Variants in NQO2 observed in about 807,000 individuals in gnomAD.
The protein encoded by NQO2 is ribosyldihydronicotinamide dehydrogenase [quinone].
Under a neutral mutation model 22.0 loss-of-function variants are expected in NQO2, and 18 were observed. The ratio of observed to expected loss-of-function variants is 0.82; its 90% CI spans 0.56 to 1.21. NQO2 has a LOEUF of 1.21. Ranked by LOEUF, NQO2 falls within the 50% of genes most tolerant of loss-of-function variation. NQO2 has a pLI of 0.00. For missense variants in NQO2, 267 were observed against 286.9 expected (o/e 0.93, Z 0.50); for synonymous variants, 106 against 110.8 (o/e 0.96, Z 0.28).
chr6:3,014,597 T>A (rs141738801), intron 4 of NQO2, among the ~76,000 whole-genome samples: 2,032 of 152,340 alleles, frequency 0.013, 32 homozygotes, highest in South Asian at 0.065. Context: ...TTTGTTTCAC[T>A]TCATTTCACT....
intron 5 of NQO2, among the ~76,000 whole-genome samples, chr6:3,016,430 C>CAAAAAAAAAAAAAA (rs36118697): frequency 4.7e-5 from 4 of 85,696 alleles, no homozygotes; most frequent in African/African-American, 1.9e-4. Context: ...GACTCTGTCT[C>CAAAAAAAAAAAAAA]AAAAAAAAAA....
In NQO2 at chr6:3,006,711, C is replaced by T. The variant is rs1435701089; in HGVS notation, c.7+152C>T. 2.2e-5 allele frequency: 16 copies of T among 715,248 alleles called. No individual in the cohort carries two copies. The highest frequency in any genetic ancestry group is 3.3e-5 in the Non-Finnish European group (15 of 457,092). The allele number at this position is 715,248 out of a possible 1,614,324, so 44.3% of individuals were successfully genotyped here. A position where few individuals can be genotyped will look rare whatever the true frequency, so the allele number is the denominator to read the frequency against. On this transcript the variant is annotated intron_variant, in intron 2 of 6. Transcript: ENST00000380455. The surrounding 1 kb of genome is among the most constrained non-coding windows in gnomAD (Gnocchi z 4.0). ...TAGACTCTTAATCAGAAATTGGATA[C>T]ATTGTTGTAAAAAATCCAAGCCACG...
In NQO2 at chr6:3,012,255, T is replaced by C. The variant is rs1353991517; in HGVS notation, c.173-289T>C. The C allele has an allele frequency of 1.2e-5, 4 of 345,002 alleles. No homozygotes were observed. In the Admixed American group the frequency reaches 2.6e-4, roughly 22 times the overall value. 21.4% of individuals were successfully genotyped at this position (345,002 alleles called of 1,614,324 possible). On this transcript the variant is annotated intron_variant, in intron 3 of 6. Transcript: ENST00000380455. Reference sequence around the variant, plus strand: ...CAAGACATCCAGCCTCTCTTGGGTGTCAGTTTGCTCTCTGGTAAATTGGGA... The same window carrying C: ...CAAGACATCCAGCCTCTCTTGGGTGCCAGTTTGCTCTCTGGTAAATTGGGA...
At position 2,999,901 on chromosome 6, in the gene NQO2, C is replaced by T. The variant is rs1379344008; in HGVS notation, c.-270C>T. On this transcript the variant is annotated 5_prime_UTR_variant, in exon 1 of 7. Transcript: ENST00000380455. The stretch of plus-strand genomic sequence containing the variant: ...GCAGTCCCGCGGCGCGGGGCAGGTT[C>T]CGGGCTGCTTAGGTTGGCACCGGTC... 6.6e-6 allele frequency: 1 copy of T among 152,334 alleles called. No individual in the cohort carries two copies. Among genetic ancestry groups the T allele is most frequent in the Non-Finnish European group, 1.5e-5 (1 of 68,140 alleles). The allele number at this position is 152,334 out of a possible 1,614,324, so 9.4% of individuals were successfully genotyped here.
chr6:3,005,064 G>A (rs574149801), intron 1 of NQO2, among the ~76,000 whole-genome samples: 8 of 152,174 alleles, frequency 5.3e-5, no homozygotes, highest in African/African-American at 1.9e-4. Context: ...CAAAGTGCTG[G>A]GATTACAGGT....
At chr6:3,015,826 G>A (rs911732147) in intron 5 of NQO2, among the ~76,000 whole-genome samples, 183 bp downstream of exon 5, 1 of 152,230 alleles carries the variant, frequency 6.6e-6, no homozygotes, top group African/African-American at 2.4e-5. Flanking sequence ...TGAAATCATG[G>A]AGCTTTTTGT....
In NQO2 at chr6:3,006,322, C is replaced by G. The variant is rs1019359779; in HGVS notation, c.-85-146C>G. ...GTGGCTTGTCCTCTGAGGCCTAAAT[C>G]TCCAGAAGATTCCTGGCCTCTCTTG... is the stretch of plus-strand genomic sequence containing the variant. On this transcript the variant is annotated intron_variant, in intron 1 of 6. Transcript: ENST00000380455. This position sits in a 1 kb window ranked among gnomAD's most constrained non-coding sequence, Gnocchi z 4.0. 1.3e-5 allele frequency: 17 copies of G among 1,358,604 alleles called. No homozygotes were observed. In the East Asian group the frequency reaches 4.1e-4, roughly 33 times the overall value. The allele number at this position is 1,358,604 out of a possible 1,614,324, so 84.2% of individuals were successfully genotyped here. A position where few individuals can be genotyped will look rare whatever the true frequency, so the allele number is the denominator to read the frequency against.
At position 3,006,531 on chromosome 6, in the gene NQO2, A is replaced by G. The variant is rs1756955808; in HGVS notation, c.-22A>G. The G allele has an allele frequency of 6.2e-7, 1 of 1,612,632 alleles. No individual in the cohort carries two copies. Among genetic ancestry groups the G allele is most frequent in the African/African-American group, 1.3e-5 (1 of 74,942 alleles). On this transcript the variant is annotated 5_prime_UTR_variant, in exon 2 of 7. Transcript: ENST00000380455. This position sits in a 1 kb window ranked among gnomAD's most constrained non-coding sequence, Gnocchi z 4.0. Reference sequence around the variant, plus strand: ...CCCAGCCACCCATCAAATCAGAGAGAAGGAATCCACCTTCTTACGCTATGG... The same window carrying G: ...CCCAGCCACCCATCAAATCAGAGAGGAGGAATCCACCTTCTTACGCTATGG...
intron 1 of NQO2, among the ~76,000 whole-genome samples, chr6:3,002,977 A>G (rs577491350): frequency 5.3e-5 from 8 of 152,032 alleles, no homozygotes; most frequent in African/African-American, 1.7e-4. Context: ...GCTGGTCTCA[A>G]ATTCCTAGGC....
intron 5 of NQO2, 44 bp from the exon 6 acceptor site, chr6:3,016,840 C>G (rs1363327800): frequency 1.9e-6 from 3 of 1,605,560 alleles, no homozygotes; most frequent in Non-Finnish European, 2.5e-6. Flanking sequence ...CATTTCTGTC[C>G]TCTTCTGGAG....
intron 1 of NQO2, chr6:3,005,821 T>C: frequency 1.0e-6 from 1 of 985,252 alleles, no homozygotes; most frequent in Non-Finnish European, 1.2e-6. Flanking sequence ...ATGCTGTGAC[T>C]TTGTTGATGA....
At chr6:3,008,619 C>T (rs1475867549) in intron 2 of NQO2, among the ~76,000 whole-genome samples, 4 of 152,152 alleles carry the variant, frequency 2.6e-5, no homozygotes, top group Non-Finnish European at 4.4e-5. Flanking sequence ...GGCGTAGTGG[C>T]ACACATCTAT....
Position 3,006,524 on chromosome 6 carries a change from C to T in NQO2, c.-29C>T, listed in dbSNP as rs1325208349. On this transcript the variant is annotated 5_prime_UTR_variant, in exon 2 of 7. Coordinates refer to ENST00000380455, the MANE Select transcript of NQO2 (RefSeq NM_000904.6). The surrounding 1 kb of genome is among the most constrained non-coding windows in gnomAD (Gnocchi z 4.0). ...GGAAAGCCCCAGCCACCCATCAAAT[C>T]AGAGAGAAGGAATCCACCTTCTTAC... 1.9e-6 allele frequency: 3 copies of T among 1,612,732 alleles called. No homozygotes were observed. The highest frequency in any genetic ancestry group is 2.5e-6 in the Non-Finnish European group (3 of 1,179,408).
chr6:3,000,453 C>T (rs1454475035), intron 1 of NQO2: 1 of 152,222 alleles, frequency 6.6e-6, no homozygotes, highest in Non-Finnish European at 1.5e-5. Flanking sequence ...CTGGTTTGCG[C>T]TGCCTTTGTC....
At chr6:3,013,765 C>T (rs886721912) in intron 4 of NQO2, among the ~76,000 whole-genome samples, 2 of 152,130 alleles carry the variant, frequency 1.3e-5, no homozygotes, top group East Asian at 1.9e-4. Context: ...CAGCAGAGTA[C>T]GCACATGAGC....
At position 3,019,613 on chromosome 6, in the gene NQO2, A is replaced by C. The variant is rs1757473381; in HGVS notation, c.654A>C (p.Glu218Asp). Residue 218 changes from glutamate to aspartate, a missense_variant, in exon 7 of 7, where the codon GAA becomes GAC. Transcript: ENST00000380455. ...AGAGGCTGCAGACCATCTGGAAGGA[A>C]GAGCCCATCCCCTGCACAGCCCACT... ...WSQRLQTIWK[E>D]EPIPCTAHWH... 6.2e-7 allele frequency: 1 copy of C among 1,613,968 alleles called. No homozygotes were observed. Among genetic ancestry groups the C allele is most frequent in the African/African-American group, 1.3e-5 (1 of 74,942 alleles).
chr6:3,001,747 T>A (rs1243349730), intron 1 of NQO2, among the ~76,000 whole-genome samples: 1 of 152,174 alleles, frequency 6.6e-6, no homozygotes, highest in African/African-American at 2.4e-5. Flanking sequence ...AATGTACACG[T>A]CAAAAATATC....
chr6:3,004,556 A>G (rs1756869066), intron 1 of NQO2: 1 of 985,588 alleles, frequency 1.0e-6, no homozygotes, highest in Non-Finnish European at 1.2e-6. Context: ...AGTATTCTGC[A>G]GACCCCAGCC....
intron 1 of NQO2, among the ~76,000 whole-genome samples, chr6:3,004,897 G>A (rs1036033955): frequency 2.5e-4 from 38 of 152,012 alleles, no homozygotes; most frequent in African/African-American, 8.7e-4. Context: ...TTTGGACAGA[G>A]TCTCGCTCTG....
Sources: allele counts gnomAD v4.1 joint callset (sites outside exome capture counted in the v4.1 genomes callset), GRCh38; gene constraint gnomAD v4.1.1; non-coding constraint Gnocchi (gnomAD v3.1); transcripts MANE v1.5; gene names NCBI Gene and HGNC (gene_info 2026-07-23, HGNC 2026-07-21).